The following B4GALT3 variants were observed in gnomAD, a reference collection of about 807,000 sequenced individuals.
B4GALT3 encodes the protein beta-1,4-galactosyltransferase 3.
In B4GALT3, 29 loss-of-function variants were observed where a neutral mutation model predicts 40.7. That is an observed-to-expected ratio of 0.71 (90% confidence interval 0.53 to 0.97). B4GALT3 has a LOEUF of 0.97. B4GALT3 is among the 50% of genes least tolerant of loss of function. The pLI is 0.00. For missense variants in B4GALT3, 390 were observed against 522.3 expected, an observed-to-expected ratio of 0.75 and a Z score of 2.47; for synonymous variants, 182 against 203.9, an observed-to-expected ratio of 0.89 and a Z score of 0.92.
chr1:161,176,021 G>A lies in B4GALT3; in HGVS notation c.40C>T (p.Leu14=). ...ACAGCCAGCTGGGAGCCCACAAGCAGGGCCAGCGTGCAAGGCCGCTCCAGC... is the reference window on the plus strand; with the variant it reads ...ACAGCCAGCTGGGAGCCCACAAGCAAGGCCAGCGTGCAAGGCCGCTCCAGC... ...RLLERPCTLA[L]LVGSQLAVMM... The change falls in exon 3 of 8, where the codon CTG becomes TTG. Residue 14 remains leucine, a synonymous_variant. Coordinates refer to ENST00000319769, the MANE Select transcript of B4GALT3 (RefSeq NM_003779.4). The A allele has an allele frequency of 6.2e-7, 1 of 1,614,164 alleles. No individual in the cohort carries two copies. Among genetic ancestry groups the A allele is most frequent in the South Asian group, 1.1e-5 (1 of 91,076 alleles).
Position 161,176,533 on chromosome 1 carries a change from G to A in B4GALT3, c.-114C>T. 2.3e-6 allele frequency: 1 copy of A among 431,186 alleles called. No individual in the cohort carries two copies. Among genetic ancestry groups the A allele is most frequent in the Non-Finnish European group, 4.2e-6 (1 of 237,364 alleles). The allele number at this position is 431,186 out of a possible 1,614,324, so 26.7% of individuals were successfully genotyped here. On this transcript the variant is annotated 5_prime_UTR_variant, in exon 2 of 8. Coordinates refer to ENST00000319769, the MANE Select transcript of B4GALT3 (RefSeq NM_003779.4). ...TCTAAAATTGGAAATGTCACAGAGG[G>A]CAGAGAAAGGCTCCATCCAGCACTC...
In B4GALT3 at chr1:161,171,912, G is replaced by A; in HGVS notation, c.1086C>T (p.Ser362=). The A allele has an allele frequency of 6.2e-7, 1 of 1,614,186 alleles. No individual in the cohort carries two copies. ...GCAGCATCTCTTGACGGAAGGCTTG[G>A]GAGGAACCAGGTGGGTAACGTGGCC... ...PSGPRYPPGS[S]QAFRQEMLQR... is the part of the protein sequence containing the mutation. The change falls in exon 8 of 8, where the codon TCC becomes TCT. Residue 362 remains serine, a synonymous_variant. Transcript: ENST00000319769.
intron 1 of B4GALT3, 43 bp from the exon 2 acceptor site, chr1:161,176,622 C>T (rs998106866): frequency 8.8e-6 from 5 of 565,018 alleles, no homozygotes; most frequent in African/African-American, 5.6e-5. Flanking sequence ...CCTGCACCGC[C>T]AGAGATCAGG....
At chr1:161,172,752 G>C (rs1558047086) in intron 6 of B4GALT3, among the ~76,000 whole-genome samples, 1 of 152,038 alleles carries the variant, frequency 6.6e-6, no homozygotes, top group Admixed American at 6.5e-5. Flanking sequence ...GGTAGGCCAG[G>C]TGCAGTGGCT....
intron 1 of B4GALT3, chr1:161,176,920 A>G: frequency 6.5e-7 from 1 of 1,536,138 alleles, no homozygotes; most frequent in East Asian, 2.4e-5. Flanking sequence ...ACCCAGGGCG[A>G]AGTAGGAAAC....
rs371653673 is a variant in B4GALT3 at position 161,173,966 on chromosome 1, C to T, written c.573G>A (p.Leu191=). ...EALRDEEWDC[L]FLHDVDLLPE... is the part of the protein sequence containing the mutation. ...GCAAGAGGTCCACATCGTGCAAGAA[C>T]AGGCAGTCCCACTCTTCATCACGCA... Residue 191 remains leucine (L), a synonymous_variant, in exon 5 of 8, where the codon CTG becomes CTA. Coordinates refer to ENST00000319769, the MANE Select transcript of B4GALT3 (RefSeq NM_003779.4). 19 of 1,614,044 alleles carry T rather than the reference C, an allele frequency of 1.2e-5. No individual in the cohort carries two copies. Among genetic ancestry groups the T allele is most frequent in the African/African-American group, 2.7e-5 (2 of 74,902 alleles).
intron 5 of B4GALT3, 58 bp downstream of exon 5, chr1:161,173,801 C>T (rs1662402428): frequency 6.2e-7 from 1 of 1,609,932 alleles, no homozygotes; most frequent in Non-Finnish European, 8.5e-7. Flanking sequence ...GCTTGGCTCT[C>T]CTCCTTCCAC....
intron 1 of B4GALT3, 33 bp from the exon 2 acceptor site, chr1:161,176,612 C>A (rs1315786622): frequency 1.8e-6 from 1 of 555,286 alleles, no homozygotes; most frequent in Admixed American, 3.1e-5. Context: ...TAACTAGCTA[C>A]CTGCACCGCC....
In B4GALT3 at chr1:161,174,978, GGA is replaced by G; in HGVS notation, c.489+13_489+14del. ...AGAAGAAAGTCAGTCAAAATGAGGTGGAGATTGGGGGTACCTGGTGGATGACA... is the reference window on the plus strand; with the variant it reads ...AGAAGAAAGTCAGTCAAAATGAGGTGGATTGGGGGTACCTGGTGGATGACA... On this transcript the variant is annotated intron_variant, in intron 4 of 7. Transcript: ENST00000319769. The G allele has an allele frequency of 3.7e-6, 6 of 1,610,646 alleles. No individual in the cohort carries two copies. Among genetic ancestry groups the G allele is most frequent in the Non-Finnish European group, 4.2e-6 (5 of 1,177,652 alleles).
intron 6 of B4GALT3, among the ~76,000 whole-genome samples, chr1:161,172,999 G>T (rs775859484): frequency 6.6e-6 from 1 of 152,138 alleles, no homozygotes; most frequent in Non-Finnish European, 1.5e-5. Flanking sequence ...GGAACTAGAA[G>T]AATACTTATG....
intron 3 of B4GALT3, 56 bp downstream of exon 3, chr1:161,175,752 C>T: frequency 1.3e-6 from 2 of 1,592,870 alleles, no homozygotes; most frequent in Non-Finnish European, 1.7e-6. Flanking sequence ...ATCCCCAAGC[C>T]TCCCTGTCTC....
rs1045780481 is a variant in B4GALT3, at chr1:161,176,677, G to A, written c.-160-98C>T. The A allele has an allele frequency of 2.1e-5, 13 of 606,654 alleles. 1 individual carries two copies. In the Admixed American group the frequency reaches 2.3e-4, roughly 11 times the overall value. 37.6% of individuals were successfully genotyped at this position (606,654 alleles called of 1,614,324 possible). On this transcript the variant is annotated intron_variant, in intron 1 of 7. Coordinates refer to ENST00000319769, the MANE Select transcript of B4GALT3 (RefSeq NM_003779.4). ...CCCAGCAGGCGAAGTGAAGGAAAGT[G>A]GTTGGAAAGGAAGAGGAGGAGCAGG...
Position 161,171,353 on chromosome 1 carries a change from C to T in B4GALT3, c.*463G>A, listed in dbSNP as rs1178725764. The T allele has an allele frequency of 1.8e-5, 20 of 1,113,590 alleles. No homozygotes were observed. The highest frequency in any genetic ancestry group is 2.6e-5 in the Non-Finnish European group (20 of 776,000). 69.0% of individuals were successfully genotyped at this position (1,113,590 alleles called of 1,614,324 possible). On this transcript the variant is annotated 3_prime_UTR_variant, in exon 8 of 8. Transcript: ENST00000319769. ...ATTAGAAAATATATCAAAATCCCAGCCCCCTGAGCCAGGACCAGAAGAGGG... is the reference window on the plus strand; with the variant it reads ...ATTAGAAAATATATCAAAATCCCAGTCCCCTGAGCCAGGACCAGAAGAGGG...
intron 4 of B4GALT3, among the ~76,000 whole-genome samples, chr1:161,174,685 A>G (rs1662826326): frequency 6.6e-6 from 1 of 152,202 alleles, no homozygotes; most frequent in South Asian, 2.1e-4. Context: ...TCTTGCTCAG[A>G]GTCATACATG....
In B4GALT3 at chr1:161,175,202, G is replaced by A; in HGVS notation, c.280C>T (p.Pro94Ser). The change falls in exon 4 of 8, where the codon CCA (proline) becomes TCA (serine). Residue 94 changes from proline (P) to serine (S), a missense_variant. By Grantham distance (74) the Pro-to-Ser change is moderately conservative. Coordinates refer to ENST00000319769, the MANE Select transcript of B4GALT3 (RefSeq NM_003779.4). ...LVGPVSVSFSPVPSLAEIVER... is the reference protein window; with the variant it reads ...LVGPVSVSFSSVPSLAEIVER... ...ACAATCTCTGCCAGTGATGGCACTG[G>A]GCTAAAGGACACCGACACAGGACCC... The A allele has an allele frequency of 6.2e-7, 1 of 1,613,528 alleles. No individual in the cohort carries two copies. The highest frequency in any genetic ancestry group is 8.5e-7 in the Non-Finnish European group (1 of 1,179,824).
chr1:161,171,342 C>CA lies in B4GALT3; in HGVS notation c.*473dup, dbSNP rs1661366238. ...CAAAGTCCTTTATTAGAAAATATAT[C>CA]AAAATCCCAGCCCCCTGAGCCAGGA... On this transcript the variant is annotated 3_prime_UTR_variant, in exon 8 of 8. Transcript: ENST00000319769. The CA allele has an allele frequency of 8.3e-7, 1 of 1,201,910 alleles. No individual in the cohort carries two copies. The allele number at this position is 1,201,910 out of a possible 1,614,324, so 74.5% of individuals were successfully genotyped here. A position where few individuals can be genotyped will look rare whatever the true frequency, so the allele number is the denominator to read the frequency against.
rs1204053127 is a variant in B4GALT3 at position 161,176,385 on chromosome 1, C to G, written c.-15+49G>C. 7.0e-5 allele frequency: 31 copies of G among 444,112 alleles called. 1 individual carries two copies. The highest frequency in any genetic ancestry group is 6.1e-5 in the Non-Finnish European group (15 of 244,536). The allele number at this position is 444,112 out of a possible 1,614,324, so 27.5% of individuals were successfully genotyped here. On this transcript the variant is annotated intron_variant, in intron 2 of 7. Transcript: ENST00000319769. ...AAATCTCATGTTCATTTCAGAAAGT[C>G]TCTAGAGAACCCCCTCTTCCAATTT...
intron 1 of B4GALT3, 192 bp downstream of exon 1, chr1:161,177,231 A>G: frequency 3.0e-6 from 2 of 676,154 alleles, no homozygotes; most frequent in Non-Finnish European, 4.9e-6. Context: ...GAGCACGCCC[A>G]TCCTATCCCA....
At position 161,171,879 on chromosome 1, in the gene B4GALT3, C is replaced by T. The variant is rs775492179; in HGVS notation, c.1119G>A (p.Arg373=). The part of the protein sequence containing the change: ...QAFRQEMLQR[R]PPARPGPLST... Reference sequence around the variant, plus strand: ...ATAGAGGCCCAGGCCTGGCTGGGGGCCGGCGTTGCAGCATCTCTTGACGGA... The same window carrying T: ...ATAGAGGCCCAGGCCTGGCTGGGGGTCGGCGTTGCAGCATCTCTTGACGGA... Residue 373 remains arginine (R), a synonymous_variant, in exon 8 of 8, where the codon CGG becomes CGA. Transcript: ENST00000319769. The T allele has an allele frequency of 1.3e-5, 21 of 1,613,990 alleles. No homozygotes were observed. The highest frequency in any genetic ancestry group is 5.0e-5 in the Admixed American group (3 of 59,990).
Sources: gnomAD v4.1 joint callset for allele counts (sites outside exome capture counted in the v4.1 genomes callset) on GRCh38, gnomAD v4.1.1 for gene constraint, MANE v1.5 for transcripts, NCBI Gene and HGNC (gene_info 2026-07-23, HGNC 2026-07-21) for gene names.